The following DOCK4 variants were observed in gnomAD, a reference collection of about 807,000 sequenced individuals.
DOCK4 encodes the protein dedicator of cytokinesis protein 4.
DOCK4 carries 97 observed loss-of-function variants against 268.1 expected under a neutral mutation model. The ratio of observed to expected loss-of-function variants is 0.36; its 90% CI spans 0.31 to 0.43. The LOEUF (loss-of-function observed/expected upper bound fraction) is 0.43, where lower values mean the gene tolerates loss of function less well. Ranked by LOEUF, DOCK4 falls within the 20% of genes least tolerant of loss-of-function variation. The pLI is 1.00. For synonymous variants in DOCK4, 954 were observed against 887.2 expected (o/e 1.08, Z -1.34); for missense variants, 2,145 against 2,455.7 (o/e 0.87, Z 2.67).
chr7:111,784,258 C>G (rs1465675503), intron 32 of DOCK4, 135 bp from the exon 33 acceptor site: 12 of 1,009,084 alleles, frequency 1.2e-5, no homozygotes, highest in African/African-American at 3.2e-5. Flanking sequence ...CCTAGCTTCT[C>G]CCTTACACTA....
intron 1 of DOCK4, among the ~76,000 whole-genome samples, chr7:112,194,669 T>C (rs1485227339): frequency 6.6e-6 from 1 of 152,224 alleles, no homozygotes; most frequent in Non-Finnish European, 1.5e-5. Context: ...ATAATGATTT[T>C]CTGATTATAA....
At chr7:112,149,573 G>T (rs1328426706) in intron 1 of DOCK4, among the ~76,000 whole-genome samples, 7 of 122,110 alleles carry the variant, frequency 5.7e-5, no homozygotes, top group African/African-American at 1.8e-4. Context: ...TTATTTTACA[G>T]AAAATAAAAG....
chr7:111,902,895 G>A (rs1009065687), intron 13 of DOCK4, among the ~76,000 whole-genome samples: 1 of 151,882 alleles, frequency 6.6e-6, no homozygotes, highest in Non-Finnish European at 1.5e-5. Context: ...TCAGCCTCCC[G>A]AGTAGCTGGG....
chr7:112,146,821 T>C (rs1173393328), intron 1 of DOCK4, among the ~76,000 whole-genome samples: 1 of 152,168 alleles, frequency 6.6e-6, no homozygotes, highest in Non-Finnish European at 1.5e-5. Flanking sequence ...TTCATTAAGT[T>C]TGAAATTAAG....
intron 1 of DOCK4, among the ~76,000 whole-genome samples, chr7:112,155,093 A>G (rs546531906): frequency 6.6e-6 from 1 of 152,350 alleles, no homozygotes; most frequent in Non-Finnish European, 1.5e-5. Context: ...CTGACAAGGA[A>G]ATTGATAAAA....
At chr7:111,939,639 A>T (rs935438137) in intron 11 of DOCK4, among the ~76,000 whole-genome samples, 2 of 152,188 alleles carry the variant, frequency 1.3e-5, no homozygotes, top group African/African-American at 4.8e-5. Flanking sequence ...AAATTTCAAA[A>T]AATTGCAACC....
chr7:112,160,864 C>T (rs1817051712), intron 1 of DOCK4, among the ~76,000 whole-genome samples: 1 of 152,200 alleles, frequency 6.6e-6, no homozygotes, highest in South Asian at 2.1e-4. Context: ...AGAATGAAGG[C>T]TGAGCAAATA....
intron 6 of DOCK4, among the ~76,000 whole-genome samples, chr7:111,984,656 G>A (rs1425588256): frequency 6.6e-6 from 1 of 152,180 alleles, no homozygotes; most frequent in Non-Finnish European, 1.5e-5. Context: ...GCCACTGGGG[G>A]CCTTAGCACC....
chr7:111,805,572 G>A (rs1800612226), intron 30 of DOCK4, among the ~76,000 whole-genome samples: 1 of 152,090 alleles, frequency 6.6e-6, no homozygotes, highest in Non-Finnish European at 1.5e-5. Flanking sequence ...TTGCTCACAG[G>A]TTGCTAAGGG....
intron 8 of DOCK4, among the ~76,000 whole-genome samples, chr7:111,955,993 T>C (rs1796420028): frequency 6.6e-6 from 1 of 152,040 alleles, no homozygotes; most frequent in African/African-American, 2.4e-5. Flanking sequence ...AAAAAATGAG[T>C]TCCTTAGAGA....
At chr7:112,198,978 C>A (rs1389728497) in intron 1 of DOCK4, among the ~76,000 whole-genome samples, 1 of 152,190 alleles carries the variant, frequency 6.6e-6, no homozygotes, top group Non-Finnish European at 1.5e-5. Flanking sequence ...CAAGGGACAA[C>A]TCTGTGCATA....
chr7:111,843,849 C>T (rs1178309353), intron 25 of DOCK4, among the ~76,000 whole-genome samples: 1 of 152,124 alleles, frequency 6.6e-6, no homozygotes, highest in Non-Finnish European at 1.5e-5. Flanking sequence ...GAGAGTAACC[C>T]ATCAGCATTT....
intron 1 of DOCK4, among the ~76,000 whole-genome samples, chr7:112,154,128 T>C (rs1449763617): frequency 1.3e-5 from 2 of 152,044 alleles, no homozygotes; most frequent in Non-Finnish European, 2.9e-5. Flanking sequence ...TTTGCCACCA[T>C]GTCCAGCTCA....
In DOCK4 at chr7:111,727,778, T is replaced by C. The variant is rs1449022611; in HGVS notation, c.*496A>G. 1 of 152,562 alleles carries C rather than the reference T, an allele frequency of 6.6e-6. No individual in the cohort carries two copies. The highest frequency in any genetic ancestry group is 1.5e-5 in the Non-Finnish European group (1 of 68,300). The allele number at this position is 152,562 out of a possible 1,614,324, so 9.5% of individuals were successfully genotyped here. Reference sequence around the variant, plus strand: ...TTGCAACCCCTTAAGTATACTGTCTTGCTCGCCTGCTTGAACTTTAATTCT... The same window carrying C: ...TTGCAACCCCTTAAGTATACTGTCTCGCTCGCCTGCTTGAACTTTAATTCT... On this transcript the variant is annotated 3_prime_UTR_variant, in exon 53 of 53. Transcript: ENST00000428084.
At chr7:111,730,134 G>A (rs1420401574) in intron 52 of DOCK4, among the ~76,000 whole-genome samples, 3 of 152,142 alleles carry the variant, frequency 2.0e-5, no homozygotes, top group Non-Finnish European at 4.4e-5. Flanking sequence ...GCCCCATTTG[G>A]CATCTGAGTT....
chr7:112,202,473 T>C (rs1342907330), intron 1 of DOCK4, among the ~76,000 whole-genome samples: 1 of 152,016 alleles, frequency 6.6e-6, no homozygotes, highest in African/African-American at 2.4e-5. Flanking sequence ...TTTTAAATGT[T>C]TTTTACACCA....
chr7:111,834,275 G>T (rs1803068400), intron 26 of DOCK4, among the ~76,000 whole-genome samples: 2 of 152,112 alleles, frequency 1.3e-5, no homozygotes, highest in African/African-American at 4.8e-5. Context: ...ATGTTTCTAG[G>T]TTCACGTAGT....
At chr7:112,074,175 A>C (rs547464303) in intron 1 of DOCK4, among the ~76,000 whole-genome samples, 5 of 152,342 alleles carry the variant, frequency 3.3e-5, no homozygotes, top group Non-Finnish European at 7.3e-5. Context: ...GGTTTTACAA[A>C]ATAATTTGGG....
chr7:112,078,430 G>A (rs1320201207), intron 1 of DOCK4, among the ~76,000 whole-genome samples: 1 of 152,012 alleles, frequency 6.6e-6, no homozygotes, highest in Non-Finnish European at 1.5e-5. Flanking sequence ...CAAGAACAAG[G>A]TATTATAAGT....
Sources: allele counts gnomAD v4.1 joint callset (sites outside exome capture counted in the v4.1 genomes callset), GRCh38; gene constraint gnomAD v4.1.1; transcripts MANE v1.5; gene names NCBI Gene and HGNC (gene_info 2026-07-23, HGNC 2026-07-21).